Variants in GRIN3A observed in about 807,000 individuals in gnomAD.
GRIN3A encodes the protein glutamate receptor ionotropic, NMDA 3A.
A neutral mutation model predicts 92.4 loss-of-function variants in GRIN3A; 47 were observed. The observed-to-expected ratio is 0.51, with a 90% CI of 0.40 to 0.65. The LOEUF (loss-of-function observed/expected upper bound fraction) is 0.65. Among genes scored for constraint, GRIN3A ranks in the 30% least tolerant of loss-of-function variants. The pLI, the probability that GRIN3A is intolerant of heterozygous loss-of-function variation, is 0.00. For synonymous variants in GRIN3A, 527 were observed against 540.6 expected, an observed-to-expected ratio of 0.97 and a Z score of 0.35; for missense variants, 1,324 against 1,393.1, an observed-to-expected ratio of 0.95 and a Z score of 0.79.
At chr9:101,589,102 C>G (rs1827988364) in intron 6 of GRIN3A, among the ~76,000 whole-genome samples, 1 of 152,062 alleles carries the variant, frequency 6.6e-6, no homozygotes, top group Non-Finnish European at 1.5e-5. Context: ...TCCCAAGTAG[C>G]TGGGACTAAA....
chr9:101,586,548 C>A (rs908242573), intron 6 of GRIN3A, among the ~76,000 whole-genome samples: 1 of 152,154 alleles, frequency 6.6e-6, no homozygotes, highest in Non-Finnish European at 1.5e-5. Context: ...CCCAGTTTTG[C>A]TAGCCTGACC....
intron 3 of GRIN3A, among the ~76,000 whole-genome samples, chr9:101,665,430 G>C (rs4743482): frequency 6.6e-6 from 1 of 151,798 alleles, no homozygotes; most frequent in African/African-American, 2.4e-5. Flanking sequence ...GAGCATTAAC[G>C]GGGAAGCACA....
chr9:101,673,473 G>A (rs929260229), intron 2 of GRIN3A, among the ~76,000 whole-genome samples: 5 of 152,026 alleles, frequency 3.3e-5, no homozygotes, highest in African/African-American at 1.2e-4. Context: ...GGGTCCCAGA[G>A]AATCACCATT....
At chr9:101,590,786 G>T (rs1828013726) in intron 6 of GRIN3A, among the ~76,000 whole-genome samples, 1 of 152,154 alleles carries the variant, frequency 6.6e-6, no homozygotes, top group African/African-American at 2.4e-5. Context: ...CAGAAAGAAA[G>T]AGTCAGTACT....
At chr9:101,580,173 T>C (rs1827870765) in intron 6 of GRIN3A, among the ~76,000 whole-genome samples, 1 of 152,164 alleles carries the variant, frequency 6.6e-6, no homozygotes, top group Non-Finnish European at 1.5e-5. Flanking sequence ...TCAGCATAAA[T>C]TCCTGTTCCC....
intron 4 of GRIN3A, 104 bp from the exon 5 acceptor site, chr9:101,623,537 A>G: frequency 1.3e-6 from 1 of 792,342 alleles, no homozygotes; most frequent in South Asian, 1.4e-5. Context: ...CCCGAACACT[A>G]AGGGCCGCAC....
chr9:101,708,107 A>G (rs1396024286), intron 1 of GRIN3A, among the ~76,000 whole-genome samples: 1 of 152,192 alleles, frequency 6.6e-6, no homozygotes, highest in African/African-American at 2.4e-5. Context: ...GCTACAATTT[A>G]GATGAAGAGT....
At chr9:101,690,414 T>C (rs1829599188) in intron 1 of GRIN3A, among the ~76,000 whole-genome samples, 1 of 152,156 alleles carries the variant, frequency 6.6e-6, no homozygotes, top group East Asian at 1.9e-4. Context: ...TTAGACATTG[T>C]TTCAGAGCCT....
At chr9:101,591,729 T>C (rs1564120532) in intron 6 of GRIN3A, 1 of 152,252 alleles carries the variant, frequency 6.6e-6, no homozygotes, top group Non-Finnish European at 1.5e-5. Flanking sequence ...GGAATAAATG[T>C]GATTCTTTTA....
intron 6 of GRIN3A, among the ~76,000 whole-genome samples, chr9:101,604,823 A>G (rs552803084): frequency 2.2e-4 from 34 of 152,324 alleles, no homozygotes; most frequent in African/African-American, 6.0e-4. Flanking sequence ...AAGCTTCTCA[A>G]TGTGACTTGT....
intron 6 of GRIN3A, among the ~76,000 whole-genome samples, chr9:101,602,757 T>C (rs1479797735): frequency 3.9e-5 from 6 of 152,186 alleles, no homozygotes; most frequent in African/African-American, 1.4e-4. Flanking sequence ...AGACACTTGC[T>C]GAAATTAGTT....
intron 1 of GRIN3A, among the ~76,000 whole-genome samples, chr9:101,708,296 G>A (rs1829835687): frequency 6.6e-6 from 1 of 152,132 alleles, no homozygotes; most frequent in Non-Finnish European, 1.5e-5. Context: ...CATTATTTAT[G>A]CAGAGCAATG....
At chr9:101,646,224 A>C (rs550945353) in intron 3 of GRIN3A, among the ~76,000 whole-genome samples, 1 of 151,836 alleles carries the variant, frequency 6.6e-6, no homozygotes, top group African/African-American at 2.4e-5. Flanking sequence ...GTAAGTCTTT[A>C]AACCATTTTG....
At chr9:101,662,177 A>G (rs1292874981) in intron 3 of GRIN3A, among the ~76,000 whole-genome samples, 1 of 151,902 alleles carries the variant, frequency 6.6e-6, no homozygotes, top group Non-Finnish European at 1.5e-5. Context: ...AATGCATACC[A>G]CAATGACAAT....
At chr9:101,600,819 T>A (rs1317851979) in intron 6 of GRIN3A, 2 of 152,198 alleles carry the variant, frequency 1.3e-5, no homozygotes, top group African/African-American at 2.4e-5. Flanking sequence ...CCATTCCCCA[T>A]ACACTGAAGA....
intron 1 of GRIN3A, among the ~76,000 whole-genome samples, chr9:101,712,888 C>G (rs1829897157): frequency 6.6e-6 from 1 of 152,130 alleles, no homozygotes; most frequent in Admixed American, 6.5e-5. Context: ...CTCAATGAGA[C>G]AGATCCTATT....
chr9:101,673,947 A>G (rs1006552503), intron 2 of GRIN3A, among the ~76,000 whole-genome samples: 1 of 152,096 alleles, frequency 6.6e-6, no homozygotes, highest in African/African-American at 2.4e-5. Flanking sequence ...GAGCAAGAGC[A>G]CCTGCACATT....
chr9:101,720,330 GT>G (rs1829996834), intron 1 of GRIN3A, among the ~76,000 whole-genome samples: 1 of 152,204 alleles, frequency 6.6e-6, no homozygotes, highest in African/African-American at 2.4e-5. Flanking sequence ...TCTGTATTAA[GT>G]TTTTTAAATG....
rs1377780830 is a variant in GRIN3A, at chr9:101,613,406, G to A, written c.2736C>T (p.Pro912=). Residue 912 remains proline, a synonymous_variant, in exon 6 of 9, where the codon CCC becomes CCT. Transcript: ENST00000361820. ...TGACAGCAAAACTTCTCTTGCCACA[G>A]GGAACCACCCTGTACCACTTGTCAT... is the stretch of plus-strand genomic sequence containing the variant. The part of the protein sequence containing the change: ...MLHDKWYRVV[P]CGKRSFAVTE... 3.1e-6 allele frequency: 5 copies of A among 1,614,034 alleles called. No individual in the cohort carries two copies. Among genetic ancestry groups the A allele is most frequent in the Non-Finnish European group, 4.2e-6 (5 of 1,180,040 alleles).
Sources: gnomAD v4.1 joint callset for allele counts (sites outside exome capture counted in the v4.1 genomes callset) on GRCh38, gnomAD v4.1.1 for gene constraint, MANE v1.5 for transcripts, NCBI Gene and HGNC (gene_info 2026-07-23, HGNC 2026-07-21) for gene names.